The following SMOC2 variants were observed in gnomAD, a reference collection of about 807,000 sequenced individuals.
SMOC2 encodes the protein SPARC-related modular calcium-binding protein 2.
In SMOC2, 39 loss-of-function variants were observed where a neutral mutation model predicts 61.4. The observed-to-expected ratio is 0.64, with a 90% CI of 0.49 to 0.83. The LOEUF (loss-of-function observed/expected upper bound fraction) is 0.83, where lower values mean the gene tolerates loss of function less well. Among genes scored for constraint, SMOC2 ranks in the 40% least tolerant of loss-of-function variants. The probability of loss-of-function intolerance (pLI) is 0.00; values close to 1 mark genes in which losing one functional copy is unlikely to be tolerated. For missense variants in SMOC2, 556 were observed against 592.9 expected (o/e 0.94, Z 0.65); for synonymous variants, 247 against 239.9 (o/e 1.03, Z -0.27).
intron 1 of SMOC2, among the ~76,000 whole-genome samples, chr6:168,466,403 C>G (rs1285391270): frequency 6.6e-6 from 1 of 152,178 alleles, no homozygotes; most frequent in Non-Finnish European, 1.5e-5. Context: ...AGCTGGAGTC[C>G]TGCTCTCGTG....
At chr6:168,651,156 C>T (rs79307086) in intron 10 of SMOC2, among the ~76,000 whole-genome samples, 3,929 of 152,270 alleles carry the variant, frequency 0.026, 72 homozygotes, top group Non-Finnish European at 0.038. Flanking sequence ...TGAATGACAA[C>T]GTTTAATCTG....
intron 1 of SMOC2, among the ~76,000 whole-genome samples, chr6:168,443,908 T>A (rs552389670): frequency 6.6e-6 from 1 of 152,336 alleles, no homozygotes; most frequent in South Asian, 2.1e-4. Context: ...ATCTGTAAAA[T>A]GAGAATACAT....
rs1787681041 is a variant in SMOC2, at chr6:168,667,145, C to CG, written c.*709dup. On this transcript the variant is annotated 3_prime_UTR_variant, in exon 13 of 13. Transcript: ENST00000356284. ...CTTGAATGAGTCCCAGAGAGTCGTT[C>CG]GGATGGTGGGAGGCTGCCTAGGAGG... 6.6e-6 allele frequency: 1 copy of CG among 152,192 alleles called. No individual in the cohort carries two copies. Among genetic ancestry groups the CG allele is most frequent in the African/African-American group, 2.4e-5 (1 of 41,446 alleles). The allele number at this position is 152,192 out of a possible 1,614,324, so 9.4% of individuals were successfully genotyped here.
intron 7 of SMOC2, among the ~76,000 whole-genome samples, chr6:168,563,309 G>A (rs980692616): frequency 6.6e-6 from 1 of 151,846 alleles, no homozygotes; most frequent in Non-Finnish European, 1.5e-5. Context: ...GTATATATAT[G>A]TGTGTATGTA....
intron 7 of SMOC2, among the ~76,000 whole-genome samples, chr6:168,566,479 CTTTTTTTT>C (rs10553952): frequency 3.4e-5 from 4 of 118,232 alleles, no homozygotes; most frequent in Non-Finnish European, 5.2e-5. Flanking sequence ...TGTAGCACTT[CTTTTTTTT>C]TTTTTTTTTT....
At position 168,453,410 on chromosome 6, in the gene SMOC2, C is replaced by T. The variant is rs1781508806; in HGVS notation, c.84+11956C>T. Among the ~76,000 whole-genome samples, 1 of 152,202 alleles carries T rather than the reference C, an allele frequency of 6.6e-6. No homozygotes were observed. Among genetic ancestry groups the T allele is most frequent in the Non-Finnish European group, 1.5e-5 (1 of 68,038 alleles). The stretch of plus-strand genomic sequence containing the variant: ...GGAGAAAAGAATTTCCCTGGCAAAG[C>T]CAAGTGGAGAGTTAGAGGCTAGGCT... On this transcript the variant is annotated intron_variant, in intron 1 of 12. Transcript: ENST00000356284. This position sits in a 1 kb window ranked among gnomAD's most constrained non-coding sequence, Gnocchi z 4.4.
chr6:168,500,905 C>T (rs1245944582), intron 1 of SMOC2, among the ~76,000 whole-genome samples: 2 of 152,142 alleles, frequency 1.3e-5, no homozygotes, highest in Non-Finnish European at 2.9e-5. Context: ...AGGATGGTGC[C>T]TGAGGCTGCA....
intron 11 of SMOC2, among the ~76,000 whole-genome samples, chr6:168,663,359 A>C (rs1314892435): frequency 6.6e-6 from 1 of 152,174 alleles, no homozygotes; most frequent in African/African-American, 2.4e-5. Flanking sequence ...AACTATTTTG[A>C]GCCAAACACG....
intron 2 of SMOC2, among the ~76,000 whole-genome samples, chr6:168,523,984 G>A (rs1351842131): frequency 6.6e-6 from 1 of 152,130 alleles, no homozygotes; most frequent in Non-Finnish European, 1.5e-5. Context: ...ATAATTTTGA[G>A]GGTGTGTTTA....
chr6:168,577,814 G>A (rs1453059514), intron 7 of SMOC2, among the ~76,000 whole-genome samples: 1 of 152,206 alleles, frequency 6.6e-6, no homozygotes, highest in Non-Finnish European at 1.5e-5. Context: ...GGGGCCTGGA[G>A]GTGGCCACTT....
intron 9 of SMOC2, among the ~76,000 whole-genome samples, chr6:168,624,625 CACAG>C (rs1051512489): frequency 2.9e-4 from 30 of 103,548 alleles, no homozygotes; most frequent in South Asian, 1.5e-3. Context: ...GAGACACAGA[CACAG>C]ACAACAGTAC....
intron 1 of SMOC2, among the ~76,000 whole-genome samples, chr6:168,498,267 T>A (rs1278378008): frequency 2.0e-5 from 3 of 152,244 alleles, no homozygotes; most frequent in Non-Finnish European, 4.4e-5. Context: ...TACTCTCATA[T>A]TCTGTAACAT....
rs1781208961 is a variant in SMOC2 at position 168,441,582 on chromosome 6, G to C, written c.84+128G>C. ...CGGGGAGCAGGTGGCCCCGGGGGCCGTGGAGCCTTCGCCTGCCGGCGAGGC... is the reference window on the plus strand; with the variant it reads ...CGGGGAGCAGGTGGCCCCGGGGGCCCTGGAGCCTTCGCCTGCCGGCGAGGC... On this transcript the variant is annotated intron_variant, in intron 1 of 12. Transcript: ENST00000356284. 2.4e-6 allele frequency: 3 copies of C among 1,271,312 alleles called. No individual in the cohort carries two copies. The East Asian group carries it at 9.7e-5, about 41-fold the overall frequency. 78.8% of individuals were successfully genotyped at this position (1,271,312 alleles called of 1,614,324 possible). A position where few individuals can be genotyped will look rare whatever the true frequency, so the allele number is the denominator to read the frequency against.
chr6:168,649,334 A>G (rs1787133093), intron 9 of SMOC2, among the ~76,000 whole-genome samples: 1 of 152,156 alleles, frequency 6.6e-6, no homozygotes, highest in Admixed American at 6.5e-5. Context: ...CGGTCCGAGC[A>G]GATGTTCTAA....
intron 9 of SMOC2, among the ~76,000 whole-genome samples, chr6:168,615,237 TCA>T (rs1464783250): frequency 4.5e-5 from 4 of 89,606 alleles, no homozygotes; most frequent in Non-Finnish European, 9.0e-5. Flanking sequence ...CGGGGCCTCT[TCA>T]CACCTACAGC....
chr6:168,601,405 T>C (rs964207903), intron 8 of SMOC2, among the ~76,000 whole-genome samples: 3 of 152,264 alleles, frequency 2.0e-5, no homozygotes, highest in African/African-American at 7.2e-5. Context: ...GAGGCTTGGC[T>C]TCTGCGGGGC....
At chr6:168,527,562 C>G in intron 3 of SMOC2, 66 bp from the exon 4 acceptor site, 1 of 1,157,490 alleles carries the variant, frequency 8.6e-7, no homozygotes, top group Admixed American at 2.0e-5. Flanking sequence ...GCAGAGTGGG[C>G]CTCGCAGCCG....
chr6:168,474,911 G>C (rs1243368556), intron 1 of SMOC2, among the ~76,000 whole-genome samples: 1 of 152,136 alleles, frequency 6.6e-6, no homozygotes, highest in East Asian at 1.9e-4. Flanking sequence ...CATACTTATG[G>C]GGATGCATTT....
At chr6:168,647,938 C>G (rs562487200) in intron 9 of SMOC2, among the ~76,000 whole-genome samples, 5 of 152,072 alleles carry the variant, frequency 3.3e-5, no homozygotes, top group African/African-American at 1.2e-4. Context: ...TTCAGTTTTT[C>G]TTTTTGCACT....
Sources: gnomAD v4.1 joint callset for allele counts (sites outside exome capture counted in the v4.1 genomes callset) on GRCh38, gnomAD v4.1.1 for gene constraint, Gnocchi (gnomAD v3.1) non-coding constraint, MANE v1.5 for transcripts, NCBI Gene and HGNC (gene_info 2026-07-23, HGNC 2026-07-21) for gene names.